RALYL: variants seen among roughly 807,000 people sequenced by gnomAD.
RALYL encodes the protein RALY RNA binding protein like, also known as RNA-binding Raly-like protein.
A neutral mutation model predicts 35.1 loss-of-function variants in RALYL; 29 were observed. That is an observed-to-expected ratio of 0.83 (90% CI 0.61 to 1.13). RALYL has a LOEUF of 1.13. RALYL is among the 50% of genes most tolerant of loss of function. The pLI is 0.00. For synonymous variants in RALYL, 120 were observed against 127.6 expected (o/e 0.94, Z 0.40); for missense variants, 359 against 360.4 (o/e 1.00, Z 0.03).
In RALYL at chr8:84,795,067, T is replaced by C. The variant is rs528070848; in HGVS notation, c.333-9703T>C. On this transcript the variant is annotated intron_variant, in intron 3 of 8. Coordinates refer to ENST00000521268, the MANE Select transcript of RALYL (RefSeq NM_173848.7). ...GCTTGATGATAGCCCTAAGCAGAGA[T>C]TTCAGTTGCAGAGATTTCAGTTGAG... Among the ~76,000 whole-genome samples the C allele has an allele frequency of 4.6e-5, 7 of 152,218 alleles. No homozygotes were observed. In the East Asian group the frequency reaches 1.2e-3, roughly 25 times the overall value.
intron 2 of RALYL, among the ~76,000 whole-genome samples, chr8:84,538,317 A>G (rs1473561299): frequency 1.3e-5 from 2 of 152,352 alleles, no homozygotes; most frequent in South Asian, 2.1e-4. Context: ...TAAAGATTGT[A>G]TTAGTTCTAA....
At chr8:84,882,083 C>T (rs1842252819) in intron 7 of RALYL, among the ~76,000 whole-genome samples, 1 of 151,954 alleles carries the variant, frequency 6.6e-6, no homozygotes, top group African/African-American at 2.4e-5. Flanking sequence ...ACTTCATAAG[C>T]ACACACTAAC....
chr8:84,324,592 TG>T (rs199510497), intron 1 of RALYL, among the ~76,000 whole-genome samples: 8 of 138,414 alleles, frequency 5.8e-5, no homozygotes, highest in Admixed American at 3.4e-4. Context: ...TAAATAGTTG[TG>T]TTTTTTTTTG....
At chr8:84,829,652 C>T (rs1830458083) in intron 4 of RALYL, among the ~76,000 whole-genome samples, 1 of 152,066 alleles carries the variant, frequency 6.6e-6, no homozygotes, top group Admixed American at 6.6e-5. Context: ...AACACACTGT[C>T]AATCAAGCAC....
At chr8:84,613,110 A>G (rs1818677176) in intron 2 of RALYL, among the ~76,000 whole-genome samples, 1 of 151,644 alleles carries the variant, frequency 6.6e-6, no homozygotes, top group Admixed American at 6.6e-5. Flanking sequence ...AAAAAATAAA[A>G]TATCTAGGTA....
intron 1 of RALYL, among the ~76,000 whole-genome samples, chr8:84,413,939 G>A (rs1342376229): frequency 6.6e-6 from 1 of 152,018 alleles, no homozygotes; most frequent in Admixed American, 6.5e-5. Context: ...TGGCATATAA[G>A]ACAGGGTTTT....
intron 2 of RALYL, among the ~76,000 whole-genome samples, chr8:84,533,812 T>G (rs1005675783): frequency 2.0e-5 from 3 of 152,214 alleles, no homozygotes; most frequent in African/African-American, 7.2e-5. Context: ...TATACTTAAC[T>G]AGATCCTGAA....
At chr8:84,742,746 G>A (rs752002141) in intron 2 of RALYL, among the ~76,000 whole-genome samples, 1 of 152,016 alleles carries the variant, frequency 6.6e-6, no homozygotes, top group Non-Finnish European at 1.5e-5. Flanking sequence ...TCCTAAAATA[G>A]TACATTACAT....
chr8:84,805,684 G>A (rs1824420495), intron 4 of RALYL, among the ~76,000 whole-genome samples: 1 of 152,102 alleles, frequency 6.6e-6, no homozygotes, highest in African/African-American at 2.4e-5. Context: ...GCAAGACTCT[G>A]TCCCAAAAAG....
intron 1 of RALYL, among the ~76,000 whole-genome samples, chr8:84,406,970 C>T (rs191984039): frequency 6.6e-6 from 1 of 151,354 alleles, no homozygotes; most frequent in Non-Finnish European, 1.5e-5. Context: ...AGGAACATTG[C>T]TGATATTTTT....
chr8:84,600,784 C>T (rs754729717), intron 2 of RALYL, among the ~76,000 whole-genome samples: 23 of 152,050 alleles, frequency 1.5e-4, no homozygotes, highest in Non-Finnish European at 2.8e-4. Flanking sequence ...CTTGATTCTG[C>T]CATCCAAGGC....
At chr8:84,224,393 G>A (rs1249540206) in intron 1 of RALYL, among the ~76,000 whole-genome samples, 1 of 152,012 alleles carries the variant, frequency 6.6e-6, no homozygotes, top group Non-Finnish European at 1.5e-5. Flanking sequence ...GGACAGAACT[G>A]GATATTTAAA....
chr8:84,276,778 C>T (rs144679888), intron 1 of RALYL, among the ~76,000 whole-genome samples: 2,891 of 152,262 alleles, frequency 0.019, 42 homozygotes, highest in Non-Finnish European at 0.031. Flanking sequence ...AGTCATTCTT[C>T]AGGGACAGGA....
chr8:84,735,952 C>A, intron 2 of RALYL, among the ~76,000 whole-genome samples: 1 of 151,978 alleles, frequency 6.6e-6, no homozygotes, highest in East Asian at 1.9e-4. Flanking sequence ...ACAGTTGTCT[C>A]AAAATACTGC....
At chr8:84,349,502 C>T (rs999735805) in intron 1 of RALYL, among the ~76,000 whole-genome samples, 1 of 150,160 alleles carries the variant, frequency 6.7e-6, no homozygotes. Flanking sequence ...CTGTCCCCTG[C>T]CTACCACACT....
chr8:84,343,590 C>T (rs891093571), intron 1 of RALYL, among the ~76,000 whole-genome samples: 2 of 151,900 alleles, frequency 1.3e-5, no homozygotes, highest in African/African-American at 4.8e-5. Context: ...CACAGATAAA[C>T]AGAAGGCTAA....
At chr8:84,286,685 A>T (rs571758591) in intron 1 of RALYL, among the ~76,000 whole-genome samples, 1 of 152,226 alleles carries the variant, frequency 6.6e-6, no homozygotes, top group Non-Finnish European at 1.5e-5. Context: ...AAGGTGGGAC[A>T]TCTTGAAGCC....
At chr8:84,356,801 C>T (rs377600771) in intron 1 of RALYL, among the ~76,000 whole-genome samples, 1 of 150,218 alleles carries the variant, frequency 6.7e-6, no homozygotes, top group Non-Finnish European at 1.5e-5. Flanking sequence ...ATGTTATGCT[C>T]TCTTTGTCAT....
At chr8:84,409,284 G>A (rs2043866143) in intron 1 of RALYL, among the ~76,000 whole-genome samples, 1 of 151,924 alleles carries the variant, frequency 6.6e-6, no homozygotes, top group Non-Finnish European at 1.5e-5. Context: ...CTCAAATATT[G>A]TATTGAGTGC....
Sources: allele counts gnomAD v4.1 joint callset (sites outside exome capture counted in the v4.1 genomes callset), GRCh38; gene constraint gnomAD v4.1.1; transcripts MANE v1.5; gene names NCBI Gene and HGNC (gene_info 2026-07-23, HGNC 2026-07-21).